SUSD5: variants seen among roughly 807,000 people sequenced by gnomAD.
The protein encoded by SUSD5 is sushi domain-containing protein 5.
Under a neutral mutation model 29.5 loss-of-function variants are expected in SUSD5, and 33 were observed. The ratio of observed to expected loss-of-function variants is 1.12; its 90% confidence interval spans 0.85 to 1.49. SUSD5 has a LOEUF of 1.49. SUSD5 is among the 40% of genes most tolerant of loss of function. The probability of loss-of-function intolerance (pLI) is 0.00; values close to 1 mark genes in which losing one functional copy is unlikely to be tolerated. For missense variants in SUSD5, 776 were observed against 800.6 expected (o/e 0.97, Z 0.37); for synonymous variants, 308 against 325.3 (o/e 0.95, Z 0.57).
intron 4 of SUSD5, among the ~76,000 whole-genome samples, chr3:33,172,654 C>A (rs4470454): frequency 6.6e-6 from 1 of 152,102 alleles, no homozygotes; most frequent in Non-Finnish European, 1.5e-5. Context: ...AGTTCTAGAA[C>A]ATTGCTCAAA....
intron 3 of SUSD5, among the ~76,000 whole-genome samples, chr3:33,205,203 T>A (rs1399175018): frequency 6.6e-6 from 1 of 152,202 alleles, no homozygotes; most frequent in Non-Finnish European, 1.5e-5. Flanking sequence ...TACAATACTA[T>A]TATTTAATTC....
intron 4 of SUSD5, among the ~76,000 whole-genome samples, chr3:33,172,410 A>G (rs2031456208): frequency 6.6e-6 from 1 of 152,214 alleles, no homozygotes; most frequent in Non-Finnish European, 1.5e-5. Context: ...TCATTCAACT[A>G]GGGCTAGCAA....
rs2030941001 is a variant in SUSD5, at chr3:33,152,909, C to T, written c.1723G>A (p.Val575Met). The T allele has an allele frequency of 6.2e-7, 1 of 1,614,048 alleles. No individual in the cohort carries two copies. Among genetic ancestry groups the T allele is most frequent in the South Asian group, 1.1e-5 (1 of 91,086 alleles). ...AGGACGGTGACAATGGTGGCGATCA[C>T]AGGGCCTCTGCTGAGGCCAGGACAT... is the stretch of plus-strand genomic sequence containing the variant. ...DGCPGLSRGP[V>M]IATIVTVLCL... Residue 575 changes from valine (V) to methionine (M), a missense_variant, in exon 5 of 5, where the codon GTG (valine) becomes ATG (methionine). Physicochemically the swap from Val to Met is conservative, Grantham distance 21 (BLOSUM62 1). Transcript: ENST00000309558.
chr3:33,211,796 A>T (rs187521320), intron 2 of SUSD5, among the ~76,000 whole-genome samples: 22 of 152,308 alleles, frequency 1.4e-4, no homozygotes, highest in African/African-American at 5.1e-4. Context: ...TTGAGATCTT[A>T]TTAAAATATT....
intron 3 of SUSD5, among the ~76,000 whole-genome samples, chr3:33,181,404 A>T (rs1240685307): frequency 8.9e-6 from 1 of 112,676 alleles, no homozygotes; most frequent in Non-Finnish European, 1.8e-5. Flanking sequence ...GGGGGTGGGG[A>T]GATTTGAGAT....
In SUSD5 at chr3:33,212,659, T is replaced by C. The variant is rs539878185; in HGVS notation, c.290+1269A>G. On this transcript the variant is annotated intron_variant, in intron 2 of 4. Coordinates refer to ENST00000309558, the MANE Select transcript of SUSD5 (RefSeq NM_015551.2). The stretch of plus-strand genomic sequence containing the variant: ...CACTGGCTAGGACATTGGTTAGGGC[T>C]GTTGGCAAGAGCCCCTAAAGGAGAT... 2.7e-4 allele frequency among the ~76,000 whole-genome samples: 41 copies of C among 152,338 alleles called. 1 individual carries two copies. In the South Asian group the frequency reaches 8.3e-3, roughly 31 times the overall value.
rs534032484 is a variant in SUSD5, at chr3:33,202,074, A to G, written c.409+5734T>C. Among the ~76,000 whole-genome samples the G allele has an allele frequency of 5.5e-5, 8 of 145,310 alleles. No homozygotes were observed. The South Asian group carries it at 1.5e-3, about 28-fold the overall frequency. ...TATCTATCTATCTGTCTATCTATCT[A>G]TCTATCATCTATCTATCATCTATCT... On this transcript the variant is annotated intron_variant, in intron 3 of 4. Transcript: ENST00000309558.
chr3:33,187,711 G>A (rs2031806482), intron 3 of SUSD5, among the ~76,000 whole-genome samples: 1 of 146,750 alleles, frequency 6.8e-6, no homozygotes, highest in Non-Finnish European at 1.5e-5. Flanking sequence ...ATGCAGGTTT[G>A]TTACATATGT....
At chr3:33,165,900 C>T (rs4678728) in intron 4 of SUSD5, among the ~76,000 whole-genome samples, 39,960 of 151,422 alleles carry the variant, frequency 0.26, 5,823 homozygotes, top group East Asian at 0.49. Flanking sequence ...CCTGGCACTT[C>T]GGGAGCCCGA....
chr3:33,185,931 A>G (rs1481271705), intron 3 of SUSD5, among the ~76,000 whole-genome samples: 2 of 150,428 alleles, frequency 1.3e-5, no homozygotes, highest in Admixed American at 1.3e-4. Flanking sequence ...GAACTGCTGC[A>G]TCAAAGTAAT....
At chr3:33,189,357 A>C (rs2031843734) in intron 3 of SUSD5, among the ~76,000 whole-genome samples, 3 of 152,010 alleles carry the variant, frequency 2.0e-5, no homozygotes, top group Admixed American at 2.0e-4. Flanking sequence ...GCACGCCTGT[A>C]GTCCCAGCTA....
intron 3 of SUSD5, among the ~76,000 whole-genome samples, chr3:33,191,078 G>A (rs778115756): frequency 1.3e-5 from 2 of 151,676 alleles, no homozygotes; most frequent in African/African-American, 4.8e-5. Context: ...ACTGGGTTTT[G>A]GGTATTTACT....
intron 4 of SUSD5, among the ~76,000 whole-genome samples, chr3:33,170,960 T>C: frequency 6.6e-6 from 1 of 152,244 alleles, no homozygotes; most frequent in Non-Finnish European, 1.5e-5. Context: ...ACCCCCATAC[T>C]ATATTATAGG....
At chr3:33,181,811 G>A (rs1331492231) in intron 3 of SUSD5, among the ~76,000 whole-genome samples, 1 of 152,146 alleles carries the variant, frequency 6.6e-6, no homozygotes, top group Non-Finnish European at 1.5e-5. Flanking sequence ...TGTAGCCAAG[G>A]AACAACAGGC....
intron 1 of SUSD5, among the ~76,000 whole-genome samples, chr3:33,216,014 G>A (rs912740088): frequency 1.3e-5 from 2 of 151,988 alleles, no homozygotes; most frequent in South Asian, 2.1e-4. Context: ...TCAGTAAAAC[G>A]GAAAGCAGAC....
chr3:33,152,476 G>A lies in SUSD5; in HGVS notation c.*266C>T, dbSNP rs995444784. On this transcript the variant is annotated 3_prime_UTR_variant, in exon 5 of 5. Transcript: ENST00000309558. ...AGAGGCGATTTTTGACCTCACACTG[G>A]AAACAGGGCCCAAGCACAGGTCTGG... 1 of 430,748 alleles carries A rather than the reference G, an allele frequency of 2.3e-6. No homozygotes were observed. The highest frequency in any genetic ancestry group is 2.0e-5 in the African/African-American group (1 of 50,386). The allele number at this position is 430,748 out of a possible 1,614,324, so 26.7% of individuals were successfully genotyped here. A position where few individuals can be genotyped will look rare whatever the true frequency, so the allele number is the denominator to read the frequency against.
At chr3:33,161,045 A>T (rs2031177734) in intron 4 of SUSD5, among the ~76,000 whole-genome samples, 1 of 152,256 alleles carries the variant, frequency 6.6e-6, no homozygotes, top group Non-Finnish European at 1.5e-5. Flanking sequence ...ATGTTAGAAG[A>T]AAAGAACTGC....
chr3:33,160,381 A>G (rs1371435744), intron 4 of SUSD5, among the ~76,000 whole-genome samples: 2 of 145,068 alleles, frequency 1.4e-5, no homozygotes, highest in Non-Finnish European at 3.0e-5. Context: ...ACAAAGTGAG[A>G]CTTCATCTCT....
At chr3:33,162,480 G>A (rs988317258) in intron 4 of SUSD5, among the ~76,000 whole-genome samples, 4 of 152,084 alleles carry the variant, frequency 2.6e-5, no homozygotes, top group African/African-American at 2.4e-5. Context: ...ACAGAAAATC[G>A]ACATAGTCAA....
Sources: gnomAD v4.1 joint callset for allele counts (sites outside exome capture counted in the v4.1 genomes callset) on GRCh38, gnomAD v4.1.1 for gene constraint, MANE v1.5 for transcripts, NCBI Gene and HGNC (gene_info 2026-07-23, HGNC 2026-07-21) for gene names.